The following PIK3C2G variants were observed in gnomAD, a reference collection of about 807,000 sequenced individuals.
PIK3C2G encodes phosphatidylinositol 3-kinase C2 domain-containing subunit gamma.
In PIK3C2G, 168 loss-of-function variants were observed where a neutral mutation model predicts 181.1. The observed-to-expected ratio is 0.93, with a 90% CI of 0.82 to 1.05. The LOEUF is 1.05. PIK3C2G is among the 50% of genes least tolerant of loss of function. The pLI is 0.00. For synonymous variants in PIK3C2G, 573 were observed against 592.2 expected, an observed-to-expected ratio of 0.97 and a Z score of 0.47; for missense variants, 1,869 against 1,732.8, an observed-to-expected ratio of 1.08 and a Z score of -1.40.
chr12:18,679,050 G>A, the PIK3C2G span, among the ~76,000 whole-genome samples: 1 of 152,038 alleles, frequency 6.6e-6, no homozygotes, highest in African/African-American at 2.4e-5. Context: ...ACTCATTATA[G>A]TGTTAAGTTG....
intron 12 of PIK3C2G, among the ~76,000 whole-genome samples, chr12:18,366,626 T>C (rs1374451294): frequency 6.6e-6 from 1 of 152,110 alleles, no homozygotes; most frequent in Non-Finnish European, 1.5e-5. Flanking sequence ...AACTATTTCA[T>C]ATACAATAAA....
intron 18 of PIK3C2G, among the ~76,000 whole-genome samples, chr12:18,437,176 G>T (rs1193837345): frequency 6.6e-6 from 1 of 151,686 alleles, no homozygotes; most frequent in Non-Finnish European, 1.5e-5. Flanking sequence ...TTAATTTTTT[G>T]TATCTTTGTT....
the PIK3C2G span, chr12:18,696,410 C>T: frequency 1.4e-5 from 3 of 207,970 alleles, no homozygotes; most frequent in Admixed American, 6.5e-5. Context: ...CAAAAATTTG[C>T]AATTCATGAA....
intron 18 of PIK3C2G, among the ~76,000 whole-genome samples, chr12:18,485,824 G>GT (rs1939967855): frequency 6.6e-6 from 1 of 152,030 alleles, no homozygotes; most frequent in South Asian, 2.1e-4. Context: ...CCTCTCCCAG[G>GT]TTACGGCATC....
intron 32 of PIK3C2G, among the ~76,000 whole-genome samples, chr12:18,643,527 A>C (rs943866817): frequency 5.3e-5 from 8 of 152,024 alleles, no homozygotes; most frequent in African/African-American, 1.9e-4. Flanking sequence ...AAGGAAAAAA[A>C]GGCAACAACG....
At chr12:18,289,829 T>A (rs1302580891) in intron 3 of PIK3C2G, among the ~76,000 whole-genome samples, 4 of 152,172 alleles carry the variant, frequency 2.6e-5, no homozygotes, top group Non-Finnish European at 5.9e-5. Flanking sequence ...CAAAATTAAC[T>A]GCAGTTTCTG....
At chr12:18,405,546 A>G (rs1275716812) in intron 16 of PIK3C2G, among the ~76,000 whole-genome samples, 1 of 151,286 alleles carries the variant, frequency 6.6e-6, no homozygotes, top group African/African-American at 2.4e-5. Flanking sequence ...AACAGTGCAA[A>G]GCAAGAAAAA....
At chr12:18,710,431 G>A in the PIK3C2G span, among the ~76,000 whole-genome samples, 1 of 152,046 alleles carries the variant, frequency 6.6e-6, no homozygotes, top group Admixed American at 6.6e-5. Flanking sequence ...TGGAGTAGCA[G>A]GAGAGTTAAA....
intron 24 of PIK3C2G, among the ~76,000 whole-genome samples, chr12:18,521,677 C>T (rs576166766): frequency 1.2e-3 from 182 of 152,328 alleles, no homozygotes; most frequent in African/African-American, 4.1e-3. Context: ...GCCCATCCCC[C>T]GCCCTGGGAT....
chr12:18,418,514 G>T (rs1251899467), intron 16 of PIK3C2G, among the ~76,000 whole-genome samples: 4 of 152,118 alleles, frequency 2.6e-5, no homozygotes, highest in African/African-American at 9.7e-5. Context: ...ATTAGATATA[G>T]AAAACCATTT....
At chr12:18,476,691 A>G (rs1160061455) in intron 18 of PIK3C2G, among the ~76,000 whole-genome samples, 1 of 152,116 alleles carries the variant, frequency 6.6e-6, no homozygotes, top group Non-Finnish European at 1.5e-5. Flanking sequence ...GGCCAAGGAT[A>G]ACAGCCTCAT....
chr12:18,399,762 G>A lies in PIK3C2G; in HGVS notation c.2230G>A (p.Glu744Lys), dbSNP rs1023238256. The A allele has an allele frequency of 1.9e-6, 3 of 1,606,896 alleles. No homozygotes were observed. The highest frequency in any genetic ancestry group is 1.3e-5 in the African/African-American group (1 of 74,966). ...CCTGGGTAGTGCCCCTGGATGGGATGAAAGGACTGTTTCAGAAATGCATAC... is the reference window on the plus strand; with the variant it reads ...CCTGGGTAGTGCCCCTGGATGGGATAAAAGGACTGTTTCAGAAATGCATAC... ...LVLGSAPGWDERTVSEMHTIL... is the reference protein window; with the variant it reads ...LVLGSAPGWDKRTVSEMHTIL... The change falls in exon 16 of 33, where the codon GAA becomes AAA. Residue 744 changes from glutamate (E) to lysine (K), a missense_variant. Coordinates refer to ENST00000538779, the MANE Select transcript of PIK3C2G (RefSeq NM_001288772.2).
At chr12:18,559,909 TCTCGG>T (rs1183993147) in intron 26 of PIK3C2G, among the ~76,000 whole-genome samples, 1 of 145,136 alleles carries the variant, frequency 6.9e-6, no homozygotes, top group African/African-American at 2.6e-5. Context: ...AGTGGCCCAG[TCTCGG>T]CTCACTGCAA....
chr12:18,437,259 T>C (rs1040762726), intron 18 of PIK3C2G, among the ~76,000 whole-genome samples: 1 of 151,990 alleles, frequency 6.6e-6, no homozygotes, highest in Non-Finnish European at 1.5e-5. Flanking sequence ...ATTTTATACT[T>C]CATTTGTATA....
At chr12:18,351,170 G>C (rs541675605) in intron 11 of PIK3C2G, among the ~76,000 whole-genome samples, 2 of 151,994 alleles carry the variant, frequency 1.3e-5, no homozygotes, top group East Asian at 3.9e-4. Flanking sequence ...ATAAATTTAA[G>C]TATGTACTTT....
chr12:18,575,370 CA>C (rs1251656022), intron 29 of PIK3C2G, among the ~76,000 whole-genome samples: 5 of 152,106 alleles, frequency 3.3e-5, no homozygotes, highest in African/African-American at 1.2e-4. Context: ...CAGAAGATCT[CA>C]ATACATGGTA....
At chr12:18,323,843 T>C (rs1417099860) in intron 7 of PIK3C2G, among the ~76,000 whole-genome samples, 1 of 152,170 alleles carries the variant, frequency 6.6e-6, no homozygotes, top group African/African-American at 2.4e-5. Flanking sequence ...TGGTTTTTTC[T>C]ATAAAATAGA....
intron 9 of PIK3C2G, among the ~76,000 whole-genome samples, chr12:18,338,934 C>T (rs911913317): frequency 6.6e-6 from 1 of 151,988 alleles, no homozygotes; most frequent in Non-Finnish European, 1.5e-5. Context: ...TAATGGTTCT[C>T]ATGTATACGA....
intron 25 of PIK3C2G, among the ~76,000 whole-genome samples, chr12:18,539,592 C>T (rs369859958): frequency 5.3e-5 from 8 of 151,850 alleles, no homozygotes; most frequent in Non-Finnish European, 7.4e-5. Context: ...TCAGTAGCCA[C>T]GTTTGGCTAG....
Sources: gnomAD v4.1 joint callset for allele counts (sites outside exome capture counted in the v4.1 genomes callset) on GRCh38, gnomAD v4.1.1 for gene constraint, MANE v1.5 for transcripts, NCBI Gene and HGNC (gene_info 2026-07-23, HGNC 2026-07-21) for gene names.